NT5DC3: variants seen among roughly 807,000 people sequenced by gnomAD.
NT5DC3 encodes the protein 5'-nucleotidase domain-containing protein 3.
NT5DC3 carries 42 observed loss-of-function variants against 67.8 expected under a neutral mutation model. The ratio of observed to expected loss-of-function variants is 0.62; its 90% confidence interval spans 0.48 to 0.80. NT5DC3 has a LOEUF of 0.80. NT5DC3 is among the 30% of genes least tolerant of loss of function. NT5DC3 has a pLI of 0.00. For synonymous variants in NT5DC3, 237 were observed against 255.6 expected (o/e 0.93, Z 0.69); for missense variants, 570 against 696.4 (o/e 0.82, Z 2.04).
At chr12:103,756,493 A>G in the NT5DC3 span, among the ~76,000 whole-genome samples, 1 of 152,206 alleles carries the variant, frequency 6.6e-6, no homozygotes, top group African/African-American at 2.4e-5. Flanking sequence ...TACTTGTTAG[A>G]AGGACTAAAT....
At chr12:103,748,043 G>T in the NT5DC3 span, among the ~76,000 whole-genome samples, 1 of 150,878 alleles carries the variant, frequency 6.6e-6, no homozygotes, top group South Asian at 2.1e-4. Flanking sequence ...ACAGAGACTA[G>T]GTATTGAGGA....
the NT5DC3 span, chr12:103,755,272 T>G: frequency 6.2e-7 from 1 of 1,607,666 alleles, no homozygotes; most frequent in East Asian, 2.2e-5. Flanking sequence ...AACTTGCAGC[T>G]GACCCATGGC....
At chr12:103,759,981 G>A in the NT5DC3 span, among the ~76,000 whole-genome samples, 2 of 152,198 alleles carry the variant, frequency 1.3e-5, no homozygotes, top group Non-Finnish European at 2.9e-5. Flanking sequence ...TTTAGGCTAA[G>A]GGCAGTAAAT....
chr12:103,795,651 T>C (rs1366068667), intron 6 of NT5DC3, among the ~76,000 whole-genome samples: 1 of 152,024 alleles, frequency 6.6e-6, no homozygotes, highest in Non-Finnish European at 1.5e-5. Context: ...TGTGTAAATA[T>C]GTATCTTTAA....
downstream of NT5DC3, among the ~76,000 whole-genome samples, chr12:103,769,537 C>G (rs930871434): frequency 6.6e-6 from 1 of 152,212 alleles, no homozygotes; most frequent in African/African-American, 2.4e-5. Flanking sequence ...AGGCCCTAGG[C>G]AAATGGAGCT....
chr12:103,822,989 T>C (rs891788143), intron 1 of NT5DC3, among the ~76,000 whole-genome samples: 1 of 152,168 alleles, frequency 6.6e-6, no homozygotes, highest in Non-Finnish European at 1.5e-5. Flanking sequence ...TTAGCAAGAA[T>C]ATGATCAGAG....
intron 7 of NT5DC3, 78 bp downstream of exon 7, chr12:103,793,859 T>C: frequency 8.3e-7 from 1 of 1,209,064 alleles, no homozygotes; most frequent in Non-Finnish European, 1.2e-6. Flanking sequence ...GCACCTGGAA[T>C]GCAAAGTAAA....
the NT5DC3 span, among the ~76,000 whole-genome samples, chr12:103,756,505 C>T: frequency 2.0e-5 from 3 of 152,318 alleles, no homozygotes; most frequent in African/African-American, 7.2e-5. Flanking sequence ...GGACTAAATC[C>T]TCCTGCAACT....
intron 9 of NT5DC3, 48 bp downstream of exon 9, chr12:103,793,116 C>T (rs1886139564): frequency 7.8e-7 from 1 of 1,275,748 alleles, no homozygotes. Flanking sequence ...TATATATTCA[C>T]AGCAGCAAAG....
Position 103,785,416 on chromosome 12 carries a change from C to T in NT5DC3, c.1248G>A (p.Glu416=). The T allele has an allele frequency of 1.2e-6, 2 of 1,614,060 alleles. No homozygotes were observed. Among genetic ancestry groups the T allele is most frequent in the South Asian group, 2.2e-5 (2 of 91,078 alleles). Residue 416 remains glutamate, a synonymous_variant, in exon 12 of 14, where the codon GAG becomes GAA. Transcript: ENST00000392876. The part of the protein sequence containing the change: ...TGAIIPELRS[E]LKIMNTEQYI... ...ATTGCTCCGTGTTCATGATTTTGAG[C>T]TCAGATCTCAACTCTGGGATGATTG...
the NT5DC3 span, chr12:103,762,373 C>T: frequency 3.7e-5 from 59 of 1,614,174 alleles, no homozygotes; most frequent in African/African-American, 5.3e-4. Flanking sequence ...TCGGATAAAC[C>T]GGAGAACAAT....
rs140533166 is a variant in NT5DC3 at position 103,813,985 on chromosome 12, T to C, written c.393+952A>G. On this transcript the variant is annotated intron_variant, in intron 2 of 13. Coordinates refer to ENST00000392876, the MANE Select transcript of NT5DC3 (RefSeq NM_001031701.3). The stretch of plus-strand genomic sequence containing the variant: ...GCTGAAATATCACCTTCTTCTTTGC[T>C]TCCCCAATTCCCTAAGGCAGAGAAA... 1.1e-3 allele frequency among the ~76,000 whole-genome samples: 167 copies of C among 152,318 alleles called. 3 individuals are homozygous for C. The East Asian group carries it at 0.023, about 21-fold the overall frequency.
intron 1 of NT5DC3, among the ~76,000 whole-genome samples, chr12:103,836,526 C>T (rs1888155020): frequency 6.6e-6 from 1 of 152,168 alleles, no homozygotes; most frequent in Non-Finnish European, 1.5e-5. Flanking sequence ...TCTACATGGA[C>T]TACATTTAGT....
chr12:103,796,523 T>G (rs957664838), intron 6 of NT5DC3, among the ~76,000 whole-genome samples: 1 of 150,434 alleles, frequency 6.6e-6, no homozygotes, highest in Non-Finnish European at 1.5e-5. Flanking sequence ...AAGACTCTGT[T>G]CAAAAAAAAA....
chr12:103,793,638 G>A (rs1886166263), intron 7 of NT5DC3, 126 bp from the exon 8 acceptor site: 1 of 688,818 alleles, frequency 1.5e-6, no homozygotes, highest in African/African-American at 1.8e-5. Context: ...AGGCCCTAAG[G>A]AAGAAGCTTT....
chr12:103,746,628 T>C, the NT5DC3 span: 28 of 1,614,176 alleles, frequency 1.7e-5, no homozygotes, highest in East Asian at 5.8e-4. Context: ...CTCCTTGTTC[T>C]GCTCATGCCA....
chr12:103,755,295 C>T, the NT5DC3 span: 1 of 1,613,264 alleles, frequency 6.2e-7, no homozygotes, highest in Non-Finnish European at 8.5e-7. Flanking sequence ...TGTCTGTATC[C>T]CTGCAGGCCA....
At chr12:103,753,242 T>C in the NT5DC3 span, 2 of 1,614,214 alleles carry the variant, frequency 1.2e-6, no homozygotes, top group South Asian at 1.1e-5. Flanking sequence ...GGGTGTTCCA[T>C]CTACGCTCCC....
Position 103,788,891 on chromosome 12 carries a change from C to A in NT5DC3, c.1048G>T (p.Val350Phe), listed in dbSNP as rs1295144780. Residue 350 changes from valine to phenylalanine, a missense_variant, in exon 10 of 14, where the codon GTC becomes TTC. By Grantham distance (50) the Val-to-Phe change is conservative. Coordinates refer to ENST00000392876, the MANE Select transcript of NT5DC3 (RefSeq NM_001031701.3). ...RPFRKMNEKG[V>F]LLWDKIHKLQ... The stretch of plus-strand genomic sequence containing the variant: ...TTATGGATTTTATCCCAGAGTAAGA[C>A]ACCTTTCTCATTCATCTTTCGGAAA... 1 of 1,613,236 alleles carries A rather than the reference C, an allele frequency of 6.2e-7. No individual in the cohort carries two copies.
Sources: allele counts gnomAD v4.1 joint callset (sites outside exome capture counted in the v4.1 genomes callset), GRCh38; gene constraint gnomAD v4.1.1; transcripts MANE v1.5; gene names NCBI Gene and HGNC (gene_info 2026-07-23, HGNC 2026-07-21).